NEDD4L: variants seen among roughly 807,000 people sequenced by gnomAD.
The protein encoded by NEDD4L is NEDD4 like E3 ubiquitin protein ligase.
In NEDD4L, 54 loss-of-function variants were observed where a neutral mutation model predicts 148.9. The ratio of observed to expected loss-of-function variants is 0.36; its 90% CI spans 0.29 to 0.45. The LOEUF (loss-of-function observed/expected upper bound fraction) is 0.45, where lower values mean the gene tolerates loss of function less well. Ranked by LOEUF, NEDD4L falls within the 20% of genes least tolerant of loss-of-function variation. The probability of loss-of-function intolerance (pLI) is 1.00; values close to 1 mark genes in which losing one functional copy is unlikely to be tolerated. For synonymous variants in NEDD4L, 433 were observed against 440.7 expected, an observed-to-expected ratio of 0.98 and a Z score of 0.22; for missense variants, 856 against 1,233.8, an observed-to-expected ratio of 0.69 and a Z score of 4.59.
At chr18:58,073,855 G>A (rs1465506361) in intron 1 of NEDD4L, among the ~76,000 whole-genome samples, 1 of 152,184 alleles carries the variant, frequency 6.6e-6, no homozygotes, top group Admixed American at 6.5e-5. Flanking sequence ...TATGGTATAT[G>A]AAATCTCAAT....
chr18:58,185,004 G>A (rs758038231), intron 2 of NEDD4L, among the ~76,000 whole-genome samples: 2 of 152,110 alleles, frequency 1.3e-5, no homozygotes, highest in Non-Finnish European at 2.9e-5. Flanking sequence ...ACCTAACCCT[G>A]CGAGGGAGGG....
intron 23 of NEDD4L, among the ~76,000 whole-genome samples, chr18:58,372,845 A>AG (rs2047065332): frequency 7.3e-6 from 1 of 137,268 alleles, no homozygotes; most frequent in African/African-American, 3.3e-5. Context: ...AAAAAAAAAA[A>AG]AAGAGAGAGA....
intron 25 of NEDD4L, among the ~76,000 whole-genome samples, chr18:58,383,645 T>C (rs7243384): frequency 0.43 from 65,918 of 151,536 alleles, 15,788 homozygotes; most frequent in East Asian, 0.6. Context: ...AACCACGGTG[T>C]CAGTGACCAG....
intron 24 of NEDD4L, among the ~76,000 whole-genome samples, chr18:58,376,011 C>T (rs1288545248): frequency 1.1e-4 from 16 of 152,132 alleles, no homozygotes. Context: ...CCAAGGAAGA[C>T]TGAAAGTCAG....
Position 58,256,871 on chromosome 18 carries a change from G to C in NEDD4L, c.297+4817G>C, listed in dbSNP as rs2048659377. On this transcript the variant is annotated intron_variant, in intron 5 of 30. Coordinates refer to ENST00000400345, the MANE Select transcript of NEDD4L (RefSeq NM_001144967.3). This position sits in a 1 kb window ranked among gnomAD's most constrained non-coding sequence, Gnocchi z 5.2. Reference sequence around the variant, plus strand: ...TAAAACCTCACCCTCTGTTCCGGGAGTTTCCCTGCTTCAGGCCAGTGGATC... The same window carrying C: ...TAAAACCTCACCCTCTGTTCCGGGACTTTCCCTGCTTCAGGCCAGTGGATC... 1 of 1,101,608 alleles carries C rather than the reference G, an allele frequency of 9.1e-7. No individual in the cohort carries two copies. The highest frequency in any genetic ancestry group is 1.1e-6 in the Non-Finnish European group (1 of 869,630). The allele number at this position is 1,101,608 out of a possible 1,614,324, so 68.2% of individuals were successfully genotyped here. A position where few individuals can be genotyped will look rare whatever the true frequency, so the allele number is the denominator to read the frequency against.
Position 58,169,800 on chromosome 18 carries a change from G to T in NEDD4L, c.122+3939G>T, listed in dbSNP as rs1347215503. On this transcript the variant is annotated intron_variant, in intron 2 of 30. Coordinates refer to ENST00000400345, the MANE Select transcript of NEDD4L (RefSeq NM_001144967.3). ...GGCCCATCCTATGTTCACCAGCTGGGTCCTCATCTCCTCCGCCACACAGGC... is the reference window on the plus strand; with the variant it reads ...GGCCCATCCTATGTTCACCAGCTGGTTCCTCATCTCCTCCGCCACACAGGC... Among the ~76,000 whole-genome samples, 3 of 152,006 alleles carry T rather than the reference G, an allele frequency of 2.0e-5. No homozygotes were observed. In the East Asian group the frequency reaches 5.8e-4, roughly 29 times the overall value.
intron 28 of NEDD4L, among the ~76,000 whole-genome samples, chr18:58,389,671 G>A (rs1243866064): frequency 6.6e-6 from 1 of 151,206 alleles, no homozygotes; most frequent in Non-Finnish European, 1.5e-5. Context: ...GCCACTGTTT[G>A]TATCCTGTTC....
At chr18:58,078,295 A>G (rs1287461365) in intron 1 of NEDD4L, among the ~76,000 whole-genome samples, 1 of 152,228 alleles carries the variant, frequency 6.6e-6, no homozygotes, top group Non-Finnish European at 1.5e-5. Flanking sequence ...TTGAAAAGGT[A>G]ATGTTGCTGG....
At chr18:58,296,598 T>C (rs992398744) in intron 5 of NEDD4L, among the ~76,000 whole-genome samples, 6 of 152,198 alleles carry the variant, frequency 3.9e-5, no homozygotes, top group African/African-American at 1.4e-4. Context: ...TCCTCTGCTG[T>C]GTCAGATCTC....
intron 1 of NEDD4L, among the ~76,000 whole-genome samples, chr18:58,158,596 A>C (rs1347519253): frequency 6.6e-6 from 1 of 152,206 alleles, no homozygotes; most frequent in Non-Finnish European, 1.5e-5. Flanking sequence ...TAGGTTGCAC[A>C]GAATCCCACA....
intron 5 of NEDD4L, among the ~76,000 whole-genome samples, chr18:58,267,127 A>T (rs183438613): frequency 6.6e-6 from 1 of 152,200 alleles, no homozygotes; most frequent in East Asian, 1.9e-4. Flanking sequence ...AGAATTGATC[A>T]ATTGGCAATT....
In NEDD4L at chr18:58,256,510, C is replaced by A; in HGVS notation, c.297+4456C>A. The stretch of plus-strand genomic sequence containing the variant: ...GGAGCACCTCGTACCCCACGCAGCC[C>A]CGAAGCGAGCGAGGGAGCCCCACGG... On this transcript the variant is annotated intron_variant, in intron 5 of 30. Transcript: ENST00000400345. The surrounding 1 kb of genome is among the most constrained non-coding windows in gnomAD (Gnocchi z 5.2). 1 of 1,232,250 alleles carries A rather than the reference C, an allele frequency of 8.1e-7. No homozygotes were observed. 76.3% of individuals were successfully genotyped at this position (1,232,250 alleles called of 1,614,324 possible).
intron 1 of NEDD4L, among the ~76,000 whole-genome samples, chr18:58,122,250 A>G (rs2030068947): frequency 6.6e-6 from 1 of 152,264 alleles, no homozygotes; most frequent in Non-Finnish European, 1.5e-5. Flanking sequence ...CTGTAATCCC[A>G]GCACTTTGGG....
chr18:58,097,936 G>A (rs1349199444), intron 1 of NEDD4L, among the ~76,000 whole-genome samples: 3 of 152,184 alleles, frequency 2.0e-5, no homozygotes, highest in Non-Finnish European at 4.4e-5. Context: ...GGCGGATGTG[G>A]GAGGATCGCT....
intron 1 of NEDD4L, among the ~76,000 whole-genome samples, chr18:58,155,952 C>T (rs1446251148): frequency 1.3e-5 from 2 of 152,192 alleles, no homozygotes; most frequent in Non-Finnish European, 2.9e-5. Context: ...CCTGACTTCT[C>T]GATGTCTAAT....
At position 58,206,713 on chromosome 18, in the gene NEDD4L, C is replaced by T. The variant is rs60160377; in HGVS notation, c.123-38714C>T. On this transcript the variant is annotated intron_variant, in intron 2 of 30. Coordinates refer to ENST00000400345, the MANE Select transcript of NEDD4L (RefSeq NM_001144967.3). ...GAGCACAAGTAAGAGAAGAGAAATCCGCAGAAGTGAGAAGTAACAGAATTG... is the reference window on the plus strand; with the variant it reads ...GAGCACAAGTAAGAGAAGAGAAATCTGCAGAAGTGAGAAGTAACAGAATTG... Among the ~76,000 whole-genome samples the T allele has an allele frequency of 1.3e-3, 201 of 152,164 alleles. 1 individual carries two copies. The highest frequency in any genetic ancestry group is 4.6e-3 in the African/African-American group (191 of 41,524).
At chr18:58,176,411 C>T (rs1358733073) in intron 2 of NEDD4L, among the ~76,000 whole-genome samples, 1 of 152,172 alleles carries the variant, frequency 6.6e-6, no homozygotes, top group Non-Finnish European at 1.5e-5. Flanking sequence ...TCATAGCTCA[C>T]TGTAACCTCA....
intron 5 of NEDD4L, among the ~76,000 whole-genome samples, chr18:58,275,150 T>C (rs561653055): frequency 6.6e-6 from 1 of 152,366 alleles, no homozygotes; most frequent in South Asian, 2.1e-4. Flanking sequence ...GATTAGCATA[T>C]ATATTTTATG....
At chr18:58,308,943 C>T (rs1482974641) in intron 5 of NEDD4L, among the ~76,000 whole-genome samples, 2 of 152,234 alleles carry the variant, frequency 1.3e-5, no homozygotes, top group East Asian at 1.9e-4. Context: ...ACCGCACCTT[C>T]CGTGTCCTGA....
Sources: gnomAD v4.1 joint callset for allele counts (sites outside exome capture counted in the v4.1 genomes callset) on GRCh38, gnomAD v4.1.1 for gene constraint, Gnocchi (gnomAD v3.1) non-coding constraint, MANE v1.5 for transcripts, NCBI Gene and HGNC (gene_info 2026-07-23, HGNC 2026-07-21) for gene names.